CLMP: variants seen among roughly 807,000 people sequenced by gnomAD.
CLMP encodes CXADR-like membrane protein.
CLMP carries 27 observed loss-of-function variants against 45.2 expected under a neutral mutation model. That is an observed-to-expected ratio of 0.60 (90% CI 0.44 to 0.82). The LOEUF (loss-of-function observed/expected upper bound fraction) is 0.82. Ranked by LOEUF, CLMP falls within the 40% of genes least tolerant of loss-of-function variation. The pLI, the probability that CLMP is intolerant of heterozygous loss-of-function variation, is 0.00. For synonymous variants in CLMP, 167 were observed against 171.4 expected (o/e 0.97, Z 0.20); for missense variants, 403 against 448.4 (o/e 0.90, Z 0.91).
At chr11:123,189,736 G>T (rs545720867) in intron 1 of CLMP, among the ~76,000 whole-genome samples, 2 of 152,084 alleles carry the variant, frequency 1.3e-5, no homozygotes, top group Non-Finnish European at 2.9e-5. Context: ...GGCCAGGCAC[G>T]GTGGCTAATG....
chr11:123,098,993 G>A (rs879642204), intron 1 of CLMP, among the ~76,000 whole-genome samples: 7 of 151,880 alleles, frequency 4.6e-5, no homozygotes, highest in South Asian at 2.1e-4. Context: ...GCGTCCGGCC[G>A]TGCTGGCTAA....
intron 1 of CLMP, among the ~76,000 whole-genome samples, chr11:123,165,763 T>A (rs1410736191): frequency 2.0e-5 from 3 of 152,016 alleles, no homozygotes; most frequent in African/African-American, 7.3e-5. Flanking sequence ...CCCTTAATCT[T>A]TCATCAGCCT....
At chr11:123,104,671 C>G (rs1056153332) in intron 1 of CLMP, among the ~76,000 whole-genome samples, 4 of 152,152 alleles carry the variant, frequency 2.6e-5, no homozygotes, top group African/African-American at 9.7e-5. Context: ...CAGGTGTGAG[C>G]CACCGCGTCC....
chr11:123,099,624 G>C (rs1866031670), intron 1 of CLMP, among the ~76,000 whole-genome samples: 1 of 152,142 alleles, frequency 6.6e-6, no homozygotes, highest in South Asian at 2.1e-4. Flanking sequence ...GGATAGAATA[G>C]AGGAGGAGGA....
chr11:123,076,126 T>C (rs1305403575), intron 5 of CLMP, among the ~76,000 whole-genome samples: 1 of 151,920 alleles, frequency 6.6e-6, no homozygotes, highest in Non-Finnish European at 1.5e-5. Flanking sequence ...TGAGCCGACA[T>C]CATGCTACTG....
chr11:123,189,727 G>A (rs535405006), intron 1 of CLMP, among the ~76,000 whole-genome samples: 1 of 152,256 alleles, frequency 6.6e-6, no homozygotes, highest in East Asian at 1.9e-4. Flanking sequence ...GAAGAAAATG[G>A]CCAGGCACGG....
chr11:123,181,546 T>A (rs184581494), intron 1 of CLMP, among the ~76,000 whole-genome samples: 3 of 152,364 alleles, frequency 2.0e-5, no homozygotes, highest in Admixed American at 1.3e-4. Flanking sequence ...TGAATTCCAT[T>A]CCGTCCTACT....
At chr11:123,160,279 CAA>C (rs67087501) in intron 1 of CLMP, among the ~76,000 whole-genome samples, 3 of 46,670 alleles carry the variant, frequency 6.4e-5, no homozygotes, top group African/African-American at 2.0e-4. Flanking sequence ...GACTCTGTCT[CAA>C]AAAAAAAAAA....
chr11:123,116,132 G>C (rs1860717216), intron 1 of CLMP, among the ~76,000 whole-genome samples: 2 of 152,068 alleles, frequency 1.3e-5, no homozygotes, highest in South Asian at 4.2e-4. Context: ...AGACGTCTCA[G>C]AGGAGACGTC....
intron 5 of CLMP, among the ~76,000 whole-genome samples, chr11:123,076,171 T>A (rs914728016): frequency 6.0e-5 from 9 of 150,336 alleles, no homozygotes; most frequent in South Asian, 2.1e-4. Flanking sequence ...AAAAAAAAAA[T>A]TTTGAGTAGA....
intron 1 of CLMP, among the ~76,000 whole-genome samples, chr11:123,099,069 C>T (rs1486696994): frequency 6.6e-6 from 1 of 152,070 alleles, no homozygotes; most frequent in Admixed American, 6.6e-5. Context: ...TGGGCTGAAG[C>T]GATTCTCCAA....
chr11:123,152,306 G>A lies in CLMP; in HGVS notation c.28+42607C>T, dbSNP rs557638481. 2.6e-5 allele frequency among the ~76,000 whole-genome samples: 4 copies of A among 152,070 alleles called. No individual in the cohort carries two copies. In the South Asian group the frequency reaches 8.3e-4, roughly 32 times the overall value. ...TGGGAGGCTGAGATGGGTGGATCAC[G>A]AGGTCAAGAGACCAACACCATCCTG... is the stretch of plus-strand genomic sequence containing the variant. On this transcript the variant is annotated intron_variant, in intron 1 of 6. Transcript: ENST00000448775.
intron 1 of CLMP, among the ~76,000 whole-genome samples, chr11:123,143,346 GAT>G (rs2135518837): frequency 6.6e-6 from 1 of 152,300 alleles, no homozygotes; most frequent in South Asian, 2.1e-4. Flanking sequence ...GAAGTGCAGG[GAT>G]ATCTTCTGTC....
At chr11:123,083,288 C>T in intron 4 of CLMP, 81 bp from the exon 5 acceptor site, 2 of 1,306,368 alleles carry the variant, frequency 1.5e-6, no homozygotes, top group Non-Finnish European at 2.2e-6. Context: ...TATCACTGAG[C>T]TGAGATTCCG....
Position 123,083,800 on chromosome 11 carries a change from C to T in CLMP, c.436G>A (p.Gly146Arg), listed in dbSNP as rs1865832339. The change falls in exon 4 of 7, where the codon GGA (glycine) becomes AGA (arginine). Residue 146 changes from glycine to arginine, a missense_variant. Transcript: ENST00000448775. ...KCELEGELTE[G>R]SDLTLQCESS... ...TCACACTGCAAAGTCAGGTCACTTCCTTCTGTCAGCTCTCCTTCCAACTCA... is the reference window on the plus strand; with the variant it reads ...TCACACTGCAAAGTCAGGTCACTTCTTTCTGTCAGCTCTCCTTCCAACTCA... 3.7e-6 allele frequency: 6 copies of T among 1,613,796 alleles called. No homozygotes were observed. Among genetic ancestry groups the T allele is most frequent in the Non-Finnish European group, 5.1e-6 (6 of 1,180,036 alleles).
intron 1 of CLMP, among the ~76,000 whole-genome samples, chr11:123,174,410 T>C (rs534664553): frequency 6.6e-6 from 1 of 152,376 alleles, no homozygotes; most frequent in East Asian, 1.9e-4. Flanking sequence ...AAAGATCATC[T>C]GGACTAGGCG....
Position 123,128,330 on chromosome 11 carries a change from C to T in CLMP, c.29-30378G>A, listed in dbSNP as rs186646847. ...TAGGACTACAAGGCGGGCATGGTGGCTCAGGCCTGTAATCCTGGCATGGTG... is the reference window on the plus strand; with the variant it reads ...TAGGACTACAAGGCGGGCATGGTGGTTCAGGCCTGTAATCCTGGCATGGTG... On this transcript the variant is annotated intron_variant, in intron 1 of 6. Coordinates refer to ENST00000448775, the MANE Select transcript of CLMP (RefSeq NM_024769.5). Among the ~76,000 whole-genome samples the T allele has an allele frequency of 9.1e-3, 1,374 of 150,184 alleles. 10 individuals are homozygous for T. The highest frequency in any genetic ancestry group is 0.017 in the Middle Eastern group (5 of 288).
At chr11:123,167,956 AAGACAGAC>A (rs112277747) in intron 1 of CLMP, among the ~76,000 whole-genome samples, 21 of 151,616 alleles carry the variant, frequency 1.4e-4, no homozygotes, top group Non-Finnish European at 2.5e-4. Context: ...CCAGGAAGGA[AAGACAGAC>A]AGACAGACAG....
At position 123,194,923 on chromosome 11, in the gene CLMP, G is replaced by A. The variant is rs1424902203; in HGVS notation, c.18C>T (p.Leu6=). 4.3e-6 allele frequency: 7 copies of A among 1,613,292 alleles called. No homozygotes were observed. The African/African-American group carries it at 8.0e-5, about 18-fold the overall frequency. Residue 6 remains leucine (L), a synonymous_variant, in exon 1 of 7, where the codon CTC becomes CTT. Transcript: ENST00000448775. MSLLL[L]LLLVSYYVGT... ...CCCAGAGGCACTCACCTAGCAAGAG[G>A]AGAAGGAGGAGGGACATCCCGATCC...
Sources: gnomAD v4.1 joint callset for allele counts (sites outside exome capture counted in the v4.1 genomes callset) on GRCh38, gnomAD v4.1.1 for gene constraint, MANE v1.5 for transcripts, NCBI Gene and HGNC (gene_info 2026-07-23, HGNC 2026-07-21) for gene names.